The following CREBRF variants were observed in gnomAD, a reference collection of about 807,000 sequenced individuals.
CREBRF encodes the protein UPF0474 protein C5orf41.
A neutral mutation model predicts 66.1 loss-of-function variants in CREBRF; 5 were observed. The ratio of observed to expected loss-of-function variants is 0.08; its 90% CI spans 0.04 to 0.16. CREBRF has a LOEUF of 0.16. CREBRF is among the 10% of genes least tolerant of loss of function. The pLI is 1.00. For synonymous variants in CREBRF, 229 were observed against 264.4 expected, an observed-to-expected ratio of 0.87 and a Z score of 1.30; for missense variants, 531 against 744.9, an observed-to-expected ratio of 0.71 and a Z score of 3.34.
intron 4 of CREBRF, among the ~76,000 whole-genome samples, chr5:173,106,409 G>A (rs1758752254): frequency 1.3e-5 from 2 of 151,090 alleles, no homozygotes; most frequent in African/African-American, 2.4e-5. Context: ...CAGCCTGGGC[G>A]ACGGAGCAAG....
At chr5:173,102,203 G>T (rs1758645554) in intron 4 of CREBRF, among the ~76,000 whole-genome samples, 1 of 152,192 alleles carries the variant, frequency 6.6e-6, no homozygotes, top group South Asian at 2.1e-4. Flanking sequence ...TTGTTAGGAA[G>T]TTCATAGATC....
intron 4 of CREBRF, among the ~76,000 whole-genome samples, chr5:173,101,503 T>A (rs1299179101): frequency 7.6e-6 from 1 of 131,980 alleles, no homozygotes; most frequent in Non-Finnish European, 1.8e-5. Flanking sequence ...TTCAAAAGTC[T>A]GTTTGTCTTT....
At chr5:173,101,070 T>G (rs1758617835) in intron 4 of CREBRF, among the ~76,000 whole-genome samples, 1 of 152,110 alleles carries the variant, frequency 6.6e-6, no homozygotes, top group African/African-American at 2.4e-5. Flanking sequence ...ATTGTTTTTG[T>G]TTTTTTCTCT....
At chr5:173,096,703 C>T (rs75668523) in intron 4 of CREBRF, among the ~76,000 whole-genome samples, 9,147 of 151,540 alleles carry the variant, frequency 0.06, 560 homozygotes, top group Non-Finnish European at 0.072. Context: ...ATGGGTTTGT[C>T]GTGTATGGCC....
intron 5 of CREBRF, 51 bp from the exon 6 acceptor site, chr5:173,110,471 C>T (rs768481994): frequency 9.7e-6 from 13 of 1,339,076 alleles, no homozygotes; most frequent in Non-Finnish European, 1.4e-5. Flanking sequence ...AAAAACGTGT[C>T]TCTTGTTAAT....
rs373533755 is a variant in CREBRF, at chr5:173,135,710, G to A, written c.*1965G>A. On this transcript the variant is annotated 3_prime_UTR_variant, in exon 9 of 9. Coordinates refer to ENST00000296953, the MANE Select transcript of CREBRF (RefSeq NM_153607.3). ...ACCCCATTTGTAAGCTATAGCATATGAAGCTATATATATAGCTTGTGAAGG... is the reference window on the plus strand; with the variant it reads ...ACCCCATTTGTAAGCTATAGCATATAAAGCTATATATATAGCTTGTGAAGG... 4 of 152,202 alleles carry A rather than the reference G, an allele frequency of 2.6e-5. No individual in the cohort carries two copies. The highest frequency in any genetic ancestry group is 9.7e-5 in the African/African-American group (4 of 41,414). 9.4% of individuals were successfully genotyped at this position (152,202 alleles called of 1,614,324 possible).
intron 1 of CREBRF, among the ~76,000 whole-genome samples, chr5:173,071,831 G>A (rs1476669463): frequency 3.3e-5 from 5 of 151,246 alleles, no homozygotes; most frequent in Admixed American, 6.6e-5. Flanking sequence ...CAAGGCAGGC[G>A]ATTGCTTGAG....
chr5:173,068,336 A>G (rs1757495256), intron 1 of CREBRF, among the ~76,000 whole-genome samples: 1 of 152,218 alleles, frequency 6.6e-6, no homozygotes, highest in Non-Finnish European at 1.5e-5. Context: ...TTATCTCAAC[A>G]CTTTTGAGAC....
chr5:173,079,090 G>T (rs1422652325), intron 1 of CREBRF, among the ~76,000 whole-genome samples: 1 of 152,078 alleles, frequency 6.6e-6, no homozygotes, highest in African/African-American at 2.4e-5. Flanking sequence ...AGGAGAGACT[G>T]CACAAGAACA....
rs76591527 is a variant in CREBRF, at chr5:173,096,846, A to G, written c.1222+5445A>G. ...TTGAATGTTGTCACATGTTCTTTCCATATCTATTGAGACGATTATATTGTT... is the reference window on the plus strand; with the variant it reads ...TTGAATGTTGTCACATGTTCTTTCCGTATCTATTGAGACGATTATATTGTT... On this transcript the variant is annotated intron_variant, in intron 4 of 8. Transcript: ENST00000296953. Among the ~76,000 whole-genome samples the G allele has an allele frequency of 3.1e-3, 473 of 152,222 alleles. 4 individuals carry two copies. Among genetic ancestry groups the G allele is most frequent in the East Asian group, 9.3e-3 (48 of 5,170 alleles).
At chr5:173,132,424 T>G (rs1366088314) in intron 8 of CREBRF, among the ~76,000 whole-genome samples, 1 of 1,512 alleles carries the variant, frequency 6.6e-4, no homozygotes, top group Admixed American at 7.0e-3. Flanking sequence ...TCCCCTCCCC[T>G]CCCCTCCCCT....
At chr5:173,119,907 A>C (rs1489519048) in intron 7 of CREBRF, among the ~76,000 whole-genome samples, 1 of 152,208 alleles carries the variant, frequency 6.6e-6, no homozygotes, top group Non-Finnish European at 1.5e-5. Context: ...TTAAAGTGGC[A>C]AATTACATTT....
intron 1 of CREBRF, among the ~76,000 whole-genome samples, chr5:173,058,186 A>G (rs1757133644): frequency 6.6e-6 from 1 of 152,216 alleles, no homozygotes; most frequent in Non-Finnish European, 1.5e-5. Context: ...AATGGTATGA[A>G]TAATTCGAAA....
At chr5:173,073,147 C>G (rs1466295073) in intron 1 of CREBRF, among the ~76,000 whole-genome samples, 1 of 152,158 alleles carries the variant, frequency 6.6e-6, no homozygotes, top group East Asian at 1.9e-4. Context: ...ATTTGCGAGT[C>G]TTTTAGAAAT....
At chr5:173,085,370 C>A in intron 2 of CREBRF, 1 of 1,267,444 alleles carries the variant, frequency 7.9e-7, no homozygotes, top group Non-Finnish European at 1.1e-6. Flanking sequence ...TTCTTCGATC[C>A]TGGAGGCTCC....
intron 1 of CREBRF, among the ~76,000 whole-genome samples, chr5:173,062,957 C>T (rs911209185): frequency 3.1e-4 from 47 of 151,966 alleles, no homozygotes; most frequent in East Asian, 7.7e-4. Context: ...CCGTTTTAGC[C>T]GGGATGGTCT....
chr5:173,068,123 A>G (rs1757489794), intron 1 of CREBRF: 1 of 453,724 alleles, frequency 2.2e-6, no homozygotes, highest in South Asian at 1.6e-5. Flanking sequence ...TGGTTGTCAA[A>G]ATTCCCAAGT....
At chr5:173,108,981 A>G (rs1758811508) in intron 5 of CREBRF, 163 bp downstream of exon 5, 2 of 620,936 alleles carry the variant, frequency 3.2e-6, no homozygotes, top group Non-Finnish European at 2.8e-6. Context: ...CGTCACTCAC[A>G]AATAGCTTTT....
intron 1 of CREBRF, among the ~76,000 whole-genome samples, chr5:173,070,009 C>T (rs1453840249): frequency 1.3e-5 from 2 of 151,874 alleles, no homozygotes; most frequent in Non-Finnish European, 2.9e-5. Context: ...ATTCTCATGC[C>T]TCAGCCTCCT....
Sources: gnomAD v4.1 joint callset for allele counts (sites outside exome capture counted in the v4.1 genomes callset) on GRCh38, gnomAD v4.1.1 for gene constraint, MANE v1.5 for transcripts, NCBI Gene and HGNC (gene_info 2026-07-23, HGNC 2026-07-21) for gene names.